UBE2D3: variants seen among roughly 807,000 people sequenced by gnomAD.
UBE2D3 encodes the protein ubiquitin conjugating enzyme E2 D3, also known as ubiquitin-conjugating enzyme E2 D3.
A neutral mutation model predicts 22.8 loss-of-function variants in UBE2D3; 2 were observed. That is an observed-to-expected ratio of 0.09 (90% CI 0.04 to 0.28). The LOEUF (loss-of-function observed/expected upper bound fraction) is 0.28. UBE2D3 is among the 10% of genes least tolerant of loss of function. The pLI is 1.00. For missense variants in UBE2D3, 27 were observed against 182.5 expected, an observed-to-expected ratio of 0.15 and a Z score of 4.91; for synonymous variants, 56 against 60.4, an observed-to-expected ratio of 0.93 and a Z score of 0.34.
intron 2 of UBE2D3, among the ~76,000 whole-genome samples, chr4:102,814,787 G>A (rs985474537): frequency 3.9e-5 from 6 of 151,962 alleles, no homozygotes; most frequent in Non-Finnish European, 5.9e-5. Flanking sequence ...CTGAACAAAA[G>A]CAAAACTGCT....
At chr4:102,852,572 A>G (rs1020986497) in intron 1 of UBE2D3, among the ~76,000 whole-genome samples, 3 of 152,182 alleles carry the variant, frequency 2.0e-5, no homozygotes, top group Admixed American at 2.0e-4. Context: ...GGAAATGACA[A>G]CTCATACAAC....
At position 102,863,487 on chromosome 4, in the gene UBE2D3, T is replaced by C. The variant is rs148039680; in HGVS notation, c.-129+5228A>G. Among the ~76,000 whole-genome samples, 175 of 152,034 alleles carry C rather than the reference T, an allele frequency of 1.2e-3. 3 individuals carry two copies. In the East Asian group the frequency reaches 0.025, roughly 22 times the overall value. ...CTCCCACTAGGCCCTACCAACAACA[T>C]TGGGGATCAAATTTCTTTTTCTTTT... On this transcript the variant is annotated intron_variant, in intron 1 of 7. Coordinates refer to the UBE2D3 transcript ENST00000338145.
At chr4:102,851,959 C>T (rs1033939975) in intron 1 of UBE2D3, among the ~76,000 whole-genome samples, 3 of 152,078 alleles carry the variant, frequency 2.0e-5, no homozygotes, top group Non-Finnish European at 1.5e-5. Context: ...CGTGAGCCAC[C>T]GTGCCCGGCA....
chr4:102,839,216 G>A (rs552232547), intron 1 of UBE2D3, among the ~76,000 whole-genome samples: 3 of 152,244 alleles, frequency 2.0e-5, no homozygotes, highest in Non-Finnish European at 4.4e-5. Context: ...CTAAATGAAA[G>A]GCATATACAT....
At chr4:102,805,151 T>C (rs571540903) in intron 4 of UBE2D3, among the ~76,000 whole-genome samples, 1 of 152,330 alleles carries the variant, frequency 6.6e-6, no homozygotes, top group Non-Finnish European at 1.5e-5. Flanking sequence ...AAAAGAACTT[T>C]ATAAAGAAGG....
chr4:102,859,761 C>G (rs913945836), intron 1 of UBE2D3, among the ~76,000 whole-genome samples: 1 of 151,130 alleles, frequency 6.6e-6, no homozygotes, highest in Admixed American at 6.6e-5. Context: ...TTCATTGATT[C>G]TTCCTTCTGC....
At chr4:102,827,273 G>A (rs1730711515) in intron 1 of UBE2D3, 154 bp downstream of exon 1, 10 of 948,800 alleles carry the variant, frequency 1.1e-5, no homozygotes, top group Middle Eastern at 5.4e-4. Context: ...CCTCCAGCAG[G>A]AGAGGCCGCG....
chr4:102,841,703 GA>G (rs941107961), intron 1 of UBE2D3, among the ~76,000 whole-genome samples: 7 of 152,294 alleles, frequency 4.6e-5, no homozygotes, highest in African/African-American at 1.4e-4. Flanking sequence ...ACTACAAGGT[GA>G]GTGACATATA....
intron 1 of UBE2D3, among the ~76,000 whole-genome samples, chr4:102,846,574 T>C (rs565484492): frequency 6.6e-6 from 1 of 152,314 alleles, no homozygotes; most frequent in Admixed American, 6.5e-5. Context: ...AGAGAAGGCC[T>C]CAATTCTCTG....
At chr4:102,816,341 C>A (rs1311407734) in intron 2 of UBE2D3, among the ~76,000 whole-genome samples, 3 of 152,148 alleles carry the variant, frequency 2.0e-5, no homozygotes, top group Non-Finnish European at 4.4e-5. Flanking sequence ...AGAATGTGAC[C>A]CATAGCTGTT....
intron 1 of UBE2D3, among the ~76,000 whole-genome samples, chr4:102,836,141 A>ATTTTTTTTTTTTTTTTTTTTT (rs907557988): frequency 1.9e-5 from 2 of 102,648 alleles, no homozygotes; most frequent in Non-Finnish European, 3.8e-5. Flanking sequence ...GTTTGTTTCC[A>ATTTTTTTTTTTTTTTTTTTTT]TTTTTTTTTT....
At chr4:102,806,634 C>T (rs1459181595) in intron 4 of UBE2D3, among the ~76,000 whole-genome samples, 3 of 152,122 alleles carry the variant, frequency 2.0e-5, no homozygotes, top group African/African-American at 7.2e-5. Context: ...CAGATACTTT[C>T]ACATTTTTCA....
At chr4:102,802,726 A>T in intron 4 of UBE2D3, 88 bp from the exon 5 acceptor site, 1 of 1,007,600 alleles carries the variant, frequency 9.9e-7, no homozygotes, top group Non-Finnish European at 1.4e-6. Context: ...TTCTCTAATA[A>T]TGAACCCAAA....
intron 1 of UBE2D3, among the ~76,000 whole-genome samples, chr4:102,834,370 A>C (rs934029117): frequency 2.0e-5 from 3 of 152,170 alleles, no homozygotes; most frequent in African/African-American, 7.2e-5. Flanking sequence ...AAGGATTAAA[A>C]AACTCTCATT....
At chr4:102,849,828 G>A (rs1329851655) in intron 1 of UBE2D3, among the ~76,000 whole-genome samples, 1 of 152,206 alleles carries the variant, frequency 6.6e-6, no homozygotes, top group Non-Finnish European at 1.5e-5. Context: ...CTGTTGTGGA[G>A]CAGTGACAGG....
At chr4:102,807,953 TTTAA>T (rs1401899438) in intron 4 of UBE2D3, among the ~76,000 whole-genome samples, 1 of 152,232 alleles carries the variant, frequency 6.6e-6, no homozygotes, top group Non-Finnish European at 1.5e-5. Context: ...AATTAGAAGT[TTTAA>T]TTACCAACGC....
intron 7 of UBE2D3, among the ~76,000 whole-genome samples, chr4:102,798,279 A>AATATATATATATATATATATT (rs10526258): frequency 1.8e-5 from 2 of 111,860 alleles, no homozygotes; most frequent in African/African-American, 8.0e-5. Flanking sequence ...TTAAGAAATG[A>AATATATATATATATATATATT]ATATATATAT....
intron 1 of UBE2D3, among the ~76,000 whole-genome samples, chr4:102,844,317 A>G (rs759528019): frequency 1.8e-4 from 28 of 152,148 alleles, no homozygotes; most frequent in African/African-American, 6.5e-4. Context: ...GTGTCAAGCA[A>G]TCCTCCTGCC....
intron 1 of UBE2D3, among the ~76,000 whole-genome samples, chr4:102,842,035 C>A (rs916529590): frequency 2.0e-5 from 3 of 152,140 alleles, no homozygotes; most frequent in Non-Finnish European, 4.4e-5. Flanking sequence ...CTCTATTAAA[C>A]TGTGATCCTC....
Sources: allele counts gnomAD v4.1 joint callset (sites outside exome capture counted in the v4.1 genomes callset), GRCh38; gene constraint gnomAD v4.1.1; transcripts MANE v1.5; gene names NCBI Gene and HGNC (gene_info 2026-07-23, HGNC 2026-07-21).